KAT6B: variants seen among roughly 807,000 people sequenced by gnomAD.
KAT6B encodes the protein histone acetyltransferase KAT6B.
In KAT6B, 10 loss-of-function variants were observed where a neutral mutation model predicts 187.5. The ratio of observed to expected loss-of-function variants is 0.05; its 90% CI spans 0.03 to 0.09. The LOEUF is 0.09. Ranked by LOEUF, KAT6B falls within the 10% of genes least tolerant of loss-of-function variation. The pLI, the probability that KAT6B is intolerant of heterozygous loss-of-function variation, is 1.00. For missense variants in KAT6B, 1,952 were observed against 2,558.9 expected, an observed-to-expected ratio of 0.76 and a Z score of 5.12; for synonymous variants, 861 against 926.8, an observed-to-expected ratio of 0.93 and a Z score of 1.29.
intron 3 of KAT6B, among the ~76,000 whole-genome samples, chr10:74,846,020 C>T (rs1439454703): frequency 5.9e-5 from 9 of 151,780 alleles, no homozygotes; most frequent in African/African-American, 1.7e-4. Context: ...CACACCACCA[C>T]GCCCGGCTAA....
intron 3 of KAT6B, among the ~76,000 whole-genome samples, chr10:74,925,278 G>A (rs1010590399): frequency 9.2e-5 from 14 of 152,166 alleles, no homozygotes; most frequent in Non-Finnish European, 1.5e-4. Context: ...CTGACCTCAC[G>A]TGATCCGCCC....
In KAT6B at chr10:74,977,406, T is replaced by C. The variant is rs776307689; in HGVS notation, c.2084T>C (p.Val695Ala). 3.1e-6 allele frequency: 5 copies of C among 1,613,802 alleles called. No homozygotes were observed. The highest frequency in any genetic ancestry group is 4.2e-6 in the Non-Finnish European group (5 of 1,179,854). ...GTCGTTACTGAAGAGGATTTGGATG[T>C]TTTTAAGCAGGCCCAGGAACTTTCT... ...KDVVTEEDLD[V>A]FKQAQELSWE... is the part of the protein sequence containing the mutation. Residue 695 changes from valine (V) to alanine (A), a missense_variant, in exon 9 of 18, where the codon GTT (valine) becomes GCT (alanine). Val to Ala is a moderately conservative substitution (Grantham distance 64). Coordinates refer to ENST00000287239, the MANE Select transcript of KAT6B (RefSeq NM_012330.4).
rs1350416430 is a variant in KAT6B, at chr10:75,031,927, C to G, written c.*881C>G. The G allele has an allele frequency of 1.5e-5, 3 of 195,388 alleles. No homozygotes were observed. The highest frequency in any genetic ancestry group is 2.3e-5 in the African/African-American group (1 of 43,124). The allele number at this position is 195,388 out of a possible 1,614,324, so 12.1% of individuals were successfully genotyped here. A position where few individuals can be genotyped will look rare whatever the true frequency, so the allele number is the denominator to read the frequency against. On this transcript the variant is annotated 3_prime_UTR_variant, in exon 18 of 18. Transcript: ENST00000287239. ...GTAAAGTTGCTATTTTATGGAAATG[C>G]CTCTAACTTTACATTTTCATTCCAT...
chr10:74,962,160 C>T (rs142489294), intron 4 of KAT6B, among the ~76,000 whole-genome samples: 19 of 152,272 alleles, frequency 1.2e-4, no homozygotes, highest in Non-Finnish European at 2.2e-4. Flanking sequence ...TTGTTCCTAA[C>T]GCAGGGAAAT....
chr10:74,955,606 A>G (rs1262373994), intron 3 of KAT6B, among the ~76,000 whole-genome samples: 1 of 152,016 alleles, frequency 6.6e-6, no homozygotes, highest in Non-Finnish European at 1.5e-5. Flanking sequence ...TTGGAGAGTA[A>G]GTTACTCTCC....
At chr10:74,883,715 G>A (rs889085345) in intron 3 of KAT6B, among the ~76,000 whole-genome samples, 1 of 152,204 alleles carries the variant, frequency 6.6e-6, no homozygotes, top group Admixed American at 6.5e-5. Flanking sequence ...TACACATTAT[G>A]AATGTATAGA....
At chr10:74,971,481 A>T (rs944372630) in intron 6 of KAT6B, among the ~76,000 whole-genome samples, 11 of 152,158 alleles carry the variant, frequency 7.2e-5, no homozygotes, top group Non-Finnish European at 1.5e-5. Flanking sequence ...TATTATTTTT[A>T]AAATTTTACC....
chr10:74,882,625 T>G (rs1844932316), intron 3 of KAT6B, among the ~76,000 whole-genome samples: 1 of 152,256 alleles, frequency 6.6e-6, no homozygotes. Context: ...TAATTTGTGG[T>G]TTTTAAAGGT....
intron 13 of KAT6B, among the ~76,000 whole-genome samples, chr10:74,998,485 T>C (rs542356009): frequency 1.3e-5 from 2 of 151,356 alleles, no homozygotes; most frequent in African/African-American, 4.9e-5. Flanking sequence ...ACCCAGAGAG[T>C]TAATGTTTTG....
intron 3 of KAT6B, among the ~76,000 whole-genome samples, chr10:74,859,554 C>T (rs1843036878): frequency 1.3e-5 from 2 of 152,160 alleles, no homozygotes; most frequent in Non-Finnish European, 2.9e-5. Flanking sequence ...TAACGAGCCT[C>T]TAGAATTCTT....
intron 17 of KAT6B, among the ~76,000 whole-genome samples, chr10:75,027,887 T>C (rs1042385244): frequency 5.3e-5 from 8 of 152,148 alleles, no homozygotes; most frequent in Non-Finnish European, 1.0e-4. Context: ...ATCCTAAAAA[T>C]GATGATTACA....
intron 17 of KAT6B, among the ~76,000 whole-genome samples, chr10:75,027,928 A>G (rs891798832): frequency 1.3e-5 from 2 of 152,166 alleles, no homozygotes; most frequent in African/African-American, 4.8e-5. Flanking sequence ...TTAGTTATTT[A>G]CTGATTTGTT....
At chr10:74,978,876 C>A (rs144427228) in intron 9 of KAT6B, among the ~76,000 whole-genome samples, 1 of 152,216 alleles carries the variant, frequency 6.6e-6, no homozygotes, top group Admixed American at 6.5e-5. Context: ...TAATCTGTTA[C>A]AACAGATTGT....
intron 3 of KAT6B, among the ~76,000 whole-genome samples, chr10:74,916,447 A>T (rs1389154406): frequency 6.6e-6 from 1 of 152,158 alleles, no homozygotes; most frequent in African/African-American, 2.4e-5. Flanking sequence ...GCTTAGTTTC[A>T]TGTGCAGTGA....
chr10:74,941,706 A>G (rs1219311826), intron 3 of KAT6B, among the ~76,000 whole-genome samples: 1 of 152,202 alleles, frequency 6.6e-6, no homozygotes, highest in African/African-American at 2.4e-5. Flanking sequence ...CTACAAAGAA[A>G]ACTCCAGACT....
intron 13 of KAT6B, among the ~76,000 whole-genome samples, chr10:75,018,887 G>A (rs1464871210): frequency 6.6e-6 from 1 of 152,130 alleles, no homozygotes; most frequent in Non-Finnish European, 1.5e-5. Context: ...CACCCCCCCA[G>A]GAGTACAAAG....
chr10:74,851,464 G>A (rs563003216), intron 3 of KAT6B, among the ~76,000 whole-genome samples: 1 of 151,818 alleles, frequency 6.6e-6, no homozygotes, highest in Non-Finnish European at 1.5e-5. Context: ...CTCTGGAGTA[G>A]CTAGACTACA....
At chr10:74,889,425 G>A (rs902647828) in intron 3 of KAT6B, among the ~76,000 whole-genome samples, 3 of 152,180 alleles carry the variant, frequency 2.0e-5, no homozygotes, top group African/African-American at 7.2e-5. Flanking sequence ...TTAAGTAGCT[G>A]TGAAGATTCA....
At chr10:74,842,057 A>G (rs533555102) in intron 2 of KAT6B, among the ~76,000 whole-genome samples, 64 of 152,356 alleles carry the variant, frequency 4.2e-4, no homozygotes, top group African/African-American at 1.5e-3. Context: ...TTTGTGGGTT[A>G]GAGGGTATCA....
Sources: gnomAD v4.1 joint callset for allele counts (sites outside exome capture counted in the v4.1 genomes callset) on GRCh38, gnomAD v4.1.1 for gene constraint, MANE v1.5 for transcripts, NCBI Gene and HGNC (gene_info 2026-07-23, HGNC 2026-07-21) for gene names.